Variants in NALF1 observed in about 807,000 individuals in gnomAD.
The protein encoded by NALF1 is family with sequence similarity 155 member A.
A neutral mutation model predicts 48.4 loss-of-function variants in NALF1; 3 were observed. The ratio of observed to expected loss-of-function variants is 0.06; its 90% CI spans 0.03 to 0.16. The LOEUF (loss-of-function observed/expected upper bound fraction) is 0.16, where lower values mean the gene tolerates loss of function less well. Ranked by LOEUF, NALF1 falls within the 10% of genes least tolerant of loss-of-function variation. NALF1 has a pLI of 1.00. For synonymous variants in NALF1, 262 were observed against 245.7 expected (o/e 1.07, Z -0.62); for missense variants, 526 against 571.5 (o/e 0.92, Z 0.81).
In NALF1 at chr13:107,472,070, G is replaced by T. The variant is rs149172322; in HGVS notation, c.916-261315C>A. On this transcript the variant is annotated intron_variant, in intron 1 of 2. Transcript: ENST00000375915. ...GATATAGCCAGGCGCATTGGCTCACGCCTGTAATCTCAGAACTTTGGGAGG... is the reference window on the plus strand; with the variant it reads ...GATATAGCCAGGCGCATTGGCTCACTCCTGTAATCTCAGAACTTTGGGAGG... 6.1e-3 allele frequency among the ~76,000 whole-genome samples: 934 copies of T among 152,256 alleles called. 10 individuals are homozygous for T. Among genetic ancestry groups the T allele is most frequent in the African/African-American group, 0.021 (890 of 41,530 alleles).
chr13:107,495,207 C>G (rs1293693686), intron 1 of NALF1, among the ~76,000 whole-genome samples: 1 of 152,134 alleles, frequency 6.6e-6, no homozygotes, highest in Non-Finnish European at 1.5e-5. Context: ...TAGTGTAGAG[C>G]TGATTTCATC....
intron 1 of NALF1, among the ~76,000 whole-genome samples, chr13:107,594,307 A>C (rs1199937195): frequency 6.6e-6 from 1 of 152,114 alleles, no homozygotes; most frequent in African/African-American, 2.4e-5. Flanking sequence ...TTAGGCACTC[A>C]ACAAAGATGA....
At chr13:107,380,251 A>G (rs1883409620) in intron 1 of NALF1, among the ~76,000 whole-genome samples, 1 of 152,192 alleles carries the variant, frequency 6.6e-6, no homozygotes, top group African/African-American at 2.4e-5. Flanking sequence ...CTAGTTCAGA[A>G]ATGTTAATTT....
intron 1 of NALF1, among the ~76,000 whole-genome samples, chr13:107,818,825 T>C (rs1169610822): frequency 8.3e-6 from 1 of 120,312 alleles, no homozygotes; most frequent in Non-Finnish European, 1.6e-5. Context: ...TGAGCCGAGA[T>C]CGCGCCACTG....
chr13:107,357,077 T>C (rs534358369), intron 1 of NALF1, among the ~76,000 whole-genome samples: 4 of 152,176 alleles, frequency 2.6e-5, no homozygotes, highest in South Asian at 4.2e-4. Context: ...ATGGAGAACA[T>C]AGGAGATATA....
intron 1 of NALF1, among the ~76,000 whole-genome samples, chr13:107,345,406 C>T (rs370816419): frequency 1.4e-4 from 22 of 152,070 alleles, no homozygotes; most frequent in African/African-American, 5.1e-4. Flanking sequence ...TTTTGAAACA[C>T]ATTGCAAATT....
intron 1 of NALF1, among the ~76,000 whole-genome samples, chr13:107,535,247 C>T (rs974262698): frequency 5.9e-5 from 9 of 152,110 alleles, no homozygotes; most frequent in African/African-American, 2.2e-4. Flanking sequence ...GAGGGCACCC[C>T]TGTCTTGTGC....
intron 1 of NALF1, among the ~76,000 whole-genome samples, chr13:107,260,961 C>G (rs1207300324): frequency 6.6e-6 from 1 of 152,140 alleles, no homozygotes; most frequent in Non-Finnish European, 1.5e-5. Context: ...CTTTTCTTTT[C>G]TGTCACATTT....
chr13:107,371,246 G>T (rs1292011273), intron 1 of NALF1, among the ~76,000 whole-genome samples: 1 of 151,926 alleles, frequency 6.6e-6, no homozygotes, highest in East Asian at 1.9e-4. Flanking sequence ...CAAGAGTTTG[G>T]GACCAATACA....
chr13:107,299,166 C>T (rs1881784917), intron 1 of NALF1, among the ~76,000 whole-genome samples: 1 of 152,068 alleles, frequency 6.6e-6, no homozygotes, highest in African/African-American at 2.4e-5. Context: ...TGGCAAGACT[C>T]CTACAGCAGT....
At chr13:107,419,312 A>T (rs917911207) in intron 1 of NALF1, among the ~76,000 whole-genome samples, 2 of 152,242 alleles carry the variant, frequency 1.3e-5, no homozygotes, top group Non-Finnish European at 2.9e-5. Context: ...GTTAATAAAG[A>T]TAATATTTAT....
At chr13:107,571,315 T>C (rs1422950987) in intron 1 of NALF1, among the ~76,000 whole-genome samples, 1 of 152,214 alleles carries the variant, frequency 6.6e-6, no homozygotes, top group East Asian at 1.9e-4. Flanking sequence ...AGCTGGACAT[T>C]TTGGTCCCAA....
At chr13:107,490,288 G>C (rs1885394759) in intron 1 of NALF1, among the ~76,000 whole-genome samples, 1 of 152,144 alleles carries the variant, frequency 6.6e-6, no homozygotes, top group Non-Finnish European at 1.5e-5. Context: ...GTTCACTGCA[G>C]CACTATTCAC....
chr13:107,391,494 C>T (rs764604230), intron 1 of NALF1, among the ~76,000 whole-genome samples: 11 of 152,182 alleles, frequency 7.2e-5, no homozygotes, highest in Non-Finnish European at 1.5e-4. Flanking sequence ...ATCTTCTTGG[C>T]TCTTTGTTTT....
intron 1 of NALF1, among the ~76,000 whole-genome samples, chr13:107,579,197 T>C (rs1878233064): frequency 6.6e-6 from 1 of 152,202 alleles, no homozygotes. Flanking sequence ...GTTCAAGTGA[T>C]TCTCCTGCCT....
chr13:107,711,713 A>C (rs1188665135), intron 1 of NALF1, among the ~76,000 whole-genome samples: 1 of 152,254 alleles, frequency 6.6e-6, no homozygotes, highest in African/African-American at 2.4e-5. Flanking sequence ...AAGAGGAAAT[A>C]TCTTATTAAT....
chr13:107,639,325 G>C (rs190384853), intron 1 of NALF1, among the ~76,000 whole-genome samples: 3 of 151,838 alleles, frequency 2.0e-5, no homozygotes, highest in Non-Finnish European at 4.4e-5. Flanking sequence ...TTTTTCAAAC[G>C]CATCTCTCAA....
intron 1 of NALF1, among the ~76,000 whole-genome samples, chr13:107,470,830 A>G (rs1885088999): frequency 6.6e-6 from 1 of 152,150 alleles, no homozygotes; most frequent in Non-Finnish European, 1.5e-5. Context: ...ATACTTATGT[A>G]TACACACAAA....
At chr13:107,765,107 T>G (rs1156759765) in intron 1 of NALF1, among the ~76,000 whole-genome samples, 1 of 152,118 alleles carries the variant, frequency 6.6e-6, no homozygotes, top group African/African-American at 2.4e-5. Context: ...TCGTTACAAC[T>G]GAATGGAAAG....
Sources: allele counts gnomAD v4.1 joint callset (sites outside exome capture counted in the v4.1 genomes callset), GRCh38; gene constraint gnomAD v4.1.1; transcripts MANE v1.5; gene names NCBI Gene and HGNC (gene_info 2026-07-23, HGNC 2026-07-21).